Variants in NSUN7 observed in about 807,000 individuals in gnomAD.
NSUN7 encodes the protein protein NSUN7.
In NSUN7, 39 loss-of-function variants were observed where a neutral mutation model predicts 58.5. The ratio of observed to expected loss-of-function variants is 0.67; its 90% CI spans 0.52 to 0.87. The LOEUF (loss-of-function observed/expected upper bound fraction) is 0.87, where lower values mean the gene tolerates loss of function less well. NSUN7 is among the 40% of genes least tolerant of loss of function. The pLI is 0.00. For synonymous variants in NSUN7, 278 were observed against 303.7 expected (o/e 0.92, Z 0.88); for missense variants, 765 against 844.1 (o/e 0.91, Z 1.16).
intron 9 of NSUN7, among the ~76,000 whole-genome samples, chr4:40,796,446 C>T (rs1743327131): frequency 6.6e-6 from 1 of 151,988 alleles, no homozygotes; most frequent in African/African-American, 2.4e-5. Context: ...TTGAGACCAA[C>T]CTGGACAACA....
intron 10 of NSUN7, among the ~76,000 whole-genome samples, chr4:40,806,357 G>T (rs1743807746): frequency 6.6e-6 from 1 of 152,068 alleles, no homozygotes; most frequent in Admixed American, 6.6e-5. Context: ...GTGTTTAATT[G>T]CTTTAACTTA....
intron 10 of NSUN7, among the ~76,000 whole-genome samples, chr4:40,800,390 A>C (rs1327479402): frequency 6.6e-6 from 1 of 151,788 alleles, no homozygotes; most frequent in East Asian, 1.9e-4. Context: ...CCCAGGCTAG[A>C]GTGCAGTAGC....
rs544067242 is a variant in NSUN7 at position 40,750,778 on chromosome 4, G to C, written c.85G>C (p.Gly29Arg). ...ISQLTSLPLS[G>R]GKSSAGVPEK... is the part of the protein sequence containing the mutation. ...CCAACTCACTTCCCTGCCTCTGTCCGGTGGGAAAAGCTCAGCTGGTGTGCC... is the reference window on the plus strand; with the variant it reads ...CCAACTCACTTCCCTGCCTCTGTCCCGTGGGAAAAGCTCAGCTGGTGTGCC... Residue 29 changes from glycine (G) to arginine (R), a missense_variant, in exon 2 of 12, where the codon GGT (glycine) becomes CGT (arginine). Transcript: ENST00000381782. 1 of 1,614,206 alleles carries C rather than the reference G, an allele frequency of 6.2e-7. No individual in the cohort carries two copies. The highest frequency in any genetic ancestry group is 1.1e-5 in the South Asian group (1 of 91,080).
chr4:40,798,007 G>A (rs1743396047), intron 9 of NSUN7, among the ~76,000 whole-genome samples: 1 of 152,086 alleles, frequency 6.6e-6, no homozygotes, highest in Admixed American at 6.6e-5. Flanking sequence ...TCTGTGGCTG[G>A]TTCCTTATCT....
chr4:40,760,804 A>G (rs919715935), intron 3 of NSUN7, among the ~76,000 whole-genome samples: 19 of 150,282 alleles, frequency 1.3e-4, no homozygotes, highest in Non-Finnish European at 1.2e-4. Flanking sequence ...CAGAGGTTGC[A>G]GTGAGCTAGA....
intron 4 of NSUN7, among the ~76,000 whole-genome samples, chr4:40,770,849 G>A (rs570369729): frequency 2.0e-5 from 3 of 152,220 alleles, no homozygotes; most frequent in African/African-American, 4.8e-5. Flanking sequence ...TCAAGAGATC[G>A]AGACCATCTT....
chr4:40,797,702 C>T (rs538405040), intron 9 of NSUN7, among the ~76,000 whole-genome samples: 1 of 152,190 alleles, frequency 6.6e-6, no homozygotes, highest in Admixed American at 6.5e-5. Context: ...CCTAATTTCT[C>T]TGCCAGCCTC....
At chr4:40,758,953 C>A (rs1173191906) in intron 2 of NSUN7, among the ~76,000 whole-genome samples, 1 of 152,052 alleles carries the variant, frequency 6.6e-6, no homozygotes, top group Non-Finnish European at 1.5e-5. Context: ...TTATAGTAGG[C>A]TTTCCATAAA....
chr4:40,804,175 C>T (rs1460656716), intron 10 of NSUN7, among the ~76,000 whole-genome samples: 1 of 152,158 alleles, frequency 6.6e-6, no homozygotes, highest in African/African-American at 2.4e-5. Flanking sequence ...CATGGTGGCT[C>T]ACGCCTGTAA....
chr4:40,804,457 C>A (rs1407799679), intron 10 of NSUN7, among the ~76,000 whole-genome samples: 1 of 151,516 alleles, frequency 6.6e-6, no homozygotes, highest in African/African-American at 2.4e-5. Context: ...AAAAAAATCA[C>A]TAATGGATGC....
chr4:40,764,867 A>C (rs1380137461), intron 4 of NSUN7, among the ~76,000 whole-genome samples: 1 of 152,198 alleles, frequency 6.6e-6, no homozygotes, highest in Non-Finnish European at 1.5e-5. Context: ...TTTTGGCTGC[A>C]TAAATGTCTT....
At position 40,776,114 on chromosome 4, in the gene NSUN7, A is replaced by G; in HGVS notation, c.891A>G (p.Leu297=). The G allele has an allele frequency of 6.2e-7, 1 of 1,609,280 alleles. No individual in the cohort carries two copies. The highest frequency in any genetic ancestry group is 8.5e-7 in the Non-Finnish European group (1 of 1,176,872). ...KALLNMDDDV[L]MVNTGSWYTV... ...TATTAAATATGGATGATGATGTCTT[A>G]ATGGTCAATACAGGCTCATGGTACA... is the stretch of plus-strand genomic sequence containing the variant. Residue 297 remains leucine (L), a synonymous_variant, in exon 7 of 12, where the codon TTA becomes TTG. Coordinates refer to ENST00000381782, the MANE Select transcript of NSUN7 (RefSeq NM_024677.6).
chr4:40,758,453 G>A (rs1461514746), intron 2 of NSUN7, among the ~76,000 whole-genome samples: 1 of 152,054 alleles, frequency 6.6e-6, no homozygotes, highest in African/African-American at 2.4e-5. Flanking sequence ...TGTGGATAAC[G>A]AGTCCCAGAG....
At chr4:40,762,131 A>C (rs1248436540) in intron 4 of NSUN7, among the ~76,000 whole-genome samples, 3 of 152,204 alleles carry the variant, frequency 2.0e-5, no homozygotes, top group Non-Finnish European at 2.9e-5. Flanking sequence ...ATGCAGCAAG[A>C]AGGCCCTCAC....
At chr4:40,792,650 C>G (rs943423334) in intron 8 of NSUN7, among the ~76,000 whole-genome samples, 1 of 152,066 alleles carries the variant, frequency 6.6e-6, no homozygotes, top group Non-Finnish European at 1.5e-5. Context: ...ACTCGGGAGG[C>G]TGAGGCAGGA....
At chr4:40,781,675 G>T (rs760732322) in intron 7 of NSUN7, among the ~76,000 whole-genome samples, 2 of 152,054 alleles carry the variant, frequency 1.3e-5, no homozygotes, top group Non-Finnish European at 2.9e-5. Context: ...TGAACTCCTC[G>T]GCTCAAGCAA....
At chr4:40,761,423 T>C in intron 4 of NSUN7, 122 bp downstream of exon 4, 1 of 753,982 alleles carries the variant, frequency 1.3e-6, no homozygotes, top group Non-Finnish European at 2.0e-6. Flanking sequence ...ATATAAAAAT[T>C]CATAAAATTC....
chr4:40,808,124 G>GT (rs767524430), intron 11 of NSUN7, among the ~76,000 whole-genome samples, 183 bp from the exon 12 acceptor site: 69 of 139,930 alleles, frequency 4.9e-4, no homozygotes, highest in Non-Finnish European at 7.3e-4. Context: ...TTTTTTGTTT[G>GT]TTTTTTTAAA....
In NSUN7 at chr4:40,798,831, C is replaced by G; in HGVS notation, c.1327C>G (p.Pro443Ala). 6.2e-7 allele frequency: 1 copy of G among 1,612,158 alleles called. No homozygotes were observed. The part of the protein sequence containing the change: ...AVVYCTCSVF[P>A]EENEAVVKKA... ...TGTTTACTGCACATGTTCAGTTTTTCCAGAAGAAAATGAAGCTGTTGTTAA... is the reference window on the plus strand; with the variant it reads ...TGTTTACTGCACATGTTCAGTTTTTGCAGAAGAAAATGAAGCTGTTGTTAA... Residue 443 changes from proline to alanine, a missense_variant, in exon 10 of 12, where the codon CCA (proline) becomes GCA (alanine). Pro to Ala is a conservative substitution (Grantham distance 27). Coordinates refer to ENST00000381782, the MANE Select transcript of NSUN7 (RefSeq NM_024677.6).
Sources: allele counts gnomAD v4.1 joint callset (sites outside exome capture counted in the v4.1 genomes callset), GRCh38; gene constraint gnomAD v4.1.1; transcripts MANE v1.5; gene names NCBI Gene and HGNC (gene_info 2026-07-23, HGNC 2026-07-21).